The following EML4 variants were observed in gnomAD, a reference collection of about 807,000 sequenced individuals.
EML4 encodes EMAP like 4, also known as echinoderm microtubule-associated protein-like 4.
A neutral mutation model predicts 129.0 loss-of-function variants in EML4; 72 were observed. The ratio of observed to expected loss-of-function variants is 0.56; its 90% confidence interval spans 0.46 to 0.68. The LOEUF (loss-of-function observed/expected upper bound fraction) is 0.68, where lower values mean the gene tolerates loss of function less well. EML4 is among the 30% of genes least tolerant of loss of function. The pLI is 0.00. For missense variants in EML4, 1,363 were observed against 1,190.6 expected, an observed-to-expected ratio of 1.14 and a Z score of -2.13; for synonymous variants, 532 against 405.0, an observed-to-expected ratio of 1.31 and a Z score of -3.77.
At chr2:42,200,779 G>A (rs1242161522) in intron 1 of EML4, among the ~76,000 whole-genome samples, 1 of 152,052 alleles carries the variant, frequency 6.6e-6, no homozygotes, top group Non-Finnish European at 1.5e-5. Flanking sequence ...CATAGTCTTG[G>A]CATGCCTTCT....
Position 42,261,193 on chromosome 2 carries a change from A to C in EML4, c.411A>C (p.Gln137His). The change falls in exon 4 of 23, where the codon CAA becomes CAC. Residue 137 changes from glutamine to histidine, a missense_variant. Gln to His is a conservative substitution (Grantham distance 24). Transcript: ENST00000318522. ...AAGAGGAATCTCATTCTAATGATCA[A>C]AGTCCACAAATTCGAGCATCACCTT... ...EKKEESHSND[Q>H]SPQIRASPSP... 3 of 1,614,022 alleles carry C rather than the reference A, an allele frequency of 1.9e-6. No individual in the cohort carries two copies. The highest frequency in any genetic ancestry group is 2.5e-6 in the Non-Finnish European group (3 of 1,179,950).
At chr2:42,315,880 CAAAAA>C in intron 17 of EML4, 77 bp from the exon 18 acceptor site, 3 of 889,682 alleles carry the variant, frequency 3.4e-6, no homozygotes, top group South Asian at 3.5e-5. Context: ...GACTCCATCT[CAAAAA>C]AAAAAGAAAA....
chr2:42,204,036 C>T (rs1014097230), intron 1 of EML4, among the ~76,000 whole-genome samples: 2 of 152,072 alleles, frequency 1.3e-5, no homozygotes, highest in Non-Finnish European at 2.9e-5. Context: ...CCTCCCACCT[C>T]AGCCCTCCGA....
rs1558614897 is a variant in EML4, at chr2:42,325,606, ATATATATATAT to A, written c.2242+53_2242+63del. ...ATATATATGCTATGATTATATTTAT[ATATATATATAT>A]ATATATATATATATATATATATGCT... is the stretch of plus-strand genomic sequence containing the variant. On this transcript the variant is annotated intron_variant, in intron 20 of 22. Coordinates refer to ENST00000318522, the MANE Select transcript of EML4 (RefSeq NM_019063.5). The A allele has an allele frequency of 4.9e-4, 14 of 28,686 alleles. 2 individuals carry two copies. Among genetic ancestry groups the A allele is most frequent in the Non-Finnish European group, 7.1e-4 (12 of 16,822 alleles). 1.8% of individuals were successfully genotyped at this position (28,686 alleles called of 1,614,324 possible).
chr2:42,249,018 T>C (rs1248949113), intron 2 of EML4, among the ~76,000 whole-genome samples: 4 of 152,184 alleles, frequency 2.6e-5, no homozygotes, highest in Admixed American at 6.5e-5. Flanking sequence ...TCTTGGAGTT[T>C]ATTTATAGCA....
intron 1 of EML4, among the ~76,000 whole-genome samples, chr2:42,177,029 G>C (rs1479672862): frequency 1.3e-5 from 2 of 152,142 alleles, no homozygotes; most frequent in African/African-American, 2.4e-5. Context: ...CTGACCTCAA[G>C]TGATCTGCCC....
At chr2:42,300,161 T>C (rs1668201822) in intron 13 of EML4, among the ~76,000 whole-genome samples, 1 of 152,250 alleles carries the variant, frequency 6.6e-6, no homozygotes, top group African/African-American at 2.4e-5. Context: ...CTGAATTTTT[T>C]CAAGAGGACT....
intron 1 of EML4, among the ~76,000 whole-genome samples, chr2:42,189,833 A>G (rs185655338): frequency 5.3e-5 from 8 of 152,292 alleles, no homozygotes; most frequent in African/African-American, 1.9e-4. Context: ...ATACTGAAGA[A>G]AGAGTGTTTT....
At chr2:42,321,595 C>G (rs948987476) in intron 19 of EML4, among the ~76,000 whole-genome samples, 3 of 152,068 alleles carry the variant, frequency 2.0e-5, no homozygotes, top group African/African-American at 7.2e-5. Context: ...AAAGAGCACT[C>G]CTTCCACTAA....
chr2:42,183,489 A>AAC (rs1671069977), intron 1 of EML4, among the ~76,000 whole-genome samples: 1 of 152,192 alleles, frequency 6.6e-6, no homozygotes, highest in African/African-American at 2.4e-5. Context: ...GGGGATACAA[A>AAC]ACAGGTAGTT....
At chr2:42,300,952 T>A (rs966852173) in intron 13 of EML4, among the ~76,000 whole-genome samples, 4 of 152,230 alleles carry the variant, frequency 2.6e-5, no homozygotes, top group African/African-American at 9.6e-5. Flanking sequence ...CTATACTATA[T>A]CCCCTTTCGT....
intron 1 of EML4, among the ~76,000 whole-genome samples, chr2:42,174,963 C>T (rs927825783): frequency 6.6e-6 from 1 of 151,554 alleles, no homozygotes; most frequent in Admixed American, 6.6e-5. Context: ...ATTACAGGTG[C>T]CCGCCAGCAT....
chr2:42,307,870 G>T (rs1001125838), intron 17 of EML4, among the ~76,000 whole-genome samples: 2 of 152,184 alleles, frequency 1.3e-5, no homozygotes, highest in African/African-American at 4.8e-5. Context: ...GGCCAGGCTG[G>T]TCTGGAACCC....
chr2:42,206,567 C>CGA (rs1672556129), intron 1 of EML4, among the ~76,000 whole-genome samples: 1 of 152,194 alleles, frequency 6.6e-6, no homozygotes, highest in Non-Finnish European at 1.5e-5. Flanking sequence ...CTACTTTAAT[C>CGA]TGGAACTGAA....
At chr2:42,188,318 C>A (rs1461133634) in intron 1 of EML4, among the ~76,000 whole-genome samples, 1 of 152,122 alleles carries the variant, frequency 6.6e-6, no homozygotes, top group East Asian at 1.9e-4. Context: ...ACCTCCTGGG[C>A]TCAGGTGATC....
chr2:42,314,692 G>A (rs2103782216), intron 17 of EML4, among the ~76,000 whole-genome samples: 1 of 152,210 alleles, frequency 6.6e-6, no homozygotes, highest in African/African-American at 2.4e-5. Context: ...GATATTTAGT[G>A]CCTACTCTGA....
intron 11 of EML4, among the ~76,000 whole-genome samples, chr2:42,293,304 T>C (rs1667759815): frequency 6.6e-6 from 1 of 152,052 alleles, no homozygotes; most frequent in Admixed American, 6.5e-5. Flanking sequence ...GGTCTCACTA[T>C]GTTGCACAGT....
chr2:42,211,331 T>C (rs1253828528), intron 1 of EML4, among the ~76,000 whole-genome samples: 1 of 152,160 alleles, frequency 6.6e-6, no homozygotes, highest in East Asian at 1.9e-4. Context: ...TTGAATAGAA[T>C]AAAAGGAAGA....
At chr2:42,293,779 T>A (rs1667791426) in intron 11 of EML4, among the ~76,000 whole-genome samples, 1 of 152,014 alleles carries the variant, frequency 6.6e-6, no homozygotes, top group Non-Finnish European at 1.5e-5. Context: ...CCAGCTACTT[T>A]TTTGTATTTT....
Sources: allele counts gnomAD v4.1 joint callset (sites outside exome capture counted in the v4.1 genomes callset), GRCh38; gene constraint gnomAD v4.1.1; transcripts MANE v1.5; gene names NCBI Gene and HGNC (gene_info 2026-07-23, HGNC 2026-07-21).